The following SUPT3H variants were observed in gnomAD, a reference collection of about 807,000 sequenced individuals.
SUPT3H encodes transcription initiation protein SPT3 homolog.
SUPT3H carries 44 observed loss-of-function variants against 44.3 expected under a neutral mutation model. That is an observed-to-expected ratio of 0.99 (90% CI 0.78 to 1.28). SUPT3H has a LOEUF of 1.28. Among genes scored for constraint, SUPT3H ranks in the 50% most tolerant of loss-of-function variants. The pLI, the probability that SUPT3H is intolerant of heterozygous loss-of-function variation, is 0.00. For synonymous variants in SUPT3H, 124 were observed against 125.6 expected (o/e 0.99, Z 0.09); for missense variants, 380 against 387.1 (o/e 0.98, Z 0.15).
intron 2 of SUPT3H, among the ~76,000 whole-genome samples, chr6:45,292,922 G>C (rs915353005): frequency 6.6e-6 from 1 of 151,406 alleles, no homozygotes; most frequent in South Asian, 2.1e-4. Flanking sequence ...GCAGTAGATA[G>C]GTCATTAAGA....
intron 10 of SUPT3H, among the ~76,000 whole-genome samples, chr6:44,928,473 AG>A (rs907570794): frequency 2.6e-5 from 4 of 152,192 alleles, no homozygotes; most frequent in African/African-American, 4.8e-5. Flanking sequence ...AGGGGTTGGA[AG>A]GCCTGAATCT....
intron 3 of SUPT3H, among the ~76,000 whole-genome samples, chr6:45,022,068 T>C (rs541369991): frequency 2.0e-5 from 3 of 152,174 alleles, no homozygotes; most frequent in East Asian, 1.9e-4. Context: ...AAAATATTTC[T>C]ATCACAGTCT....
At chr6:45,301,359 A>G (rs1016755578) in intron 2 of SUPT3H, among the ~76,000 whole-genome samples, 4 of 152,190 alleles carry the variant, frequency 2.6e-5, no homozygotes, top group African/African-American at 7.2e-5. Flanking sequence ...CCAGCTTTAT[A>G]TAATTTCAAC....
intron 2 of SUPT3H, among the ~76,000 whole-genome samples, chr6:45,311,262 A>T (rs1783906371): frequency 6.6e-6 from 1 of 152,210 alleles, no homozygotes; most frequent in East Asian, 1.9e-4. Context: ...CCCTCCAAGA[A>T]GTTTGGGATT....
chr6:45,248,182 T>A (rs1050851370), intron 2 of SUPT3H, among the ~76,000 whole-genome samples: 7 of 152,260 alleles, frequency 4.6e-5, no homozygotes, highest in African/African-American at 1.7e-4. Flanking sequence ...TTTGTTTATG[T>A]ACAGAGTTCC....
chr6:45,073,037 A>T (rs1275178767), intron 3 of SUPT3H, among the ~76,000 whole-genome samples: 4 of 152,132 alleles, frequency 2.6e-5, no homozygotes, highest in African/African-American at 9.7e-5. Context: ...CCTAAATATG[A>T]ATTTGAAAGA....
chr6:45,054,222 T>C (rs186305455), intron 3 of SUPT3H, among the ~76,000 whole-genome samples: 9 of 151,128 alleles, frequency 6.0e-5, no homozygotes, highest in African/African-American at 1.9e-4. Context: ...AGGTCTCTCT[T>C]ACCTTCTCCT....
At chr6:45,255,909 T>C (rs1773303400) in intron 2 of SUPT3H, among the ~76,000 whole-genome samples, 3 of 152,218 alleles carry the variant, frequency 2.0e-5, no homozygotes, top group Admixed American at 1.3e-4. Flanking sequence ...TGGTGGCTCA[T>C]GCCTATAATC....
At chr6:45,147,375 C>A (rs1441362689) in intron 2 of SUPT3H, among the ~76,000 whole-genome samples, 4 of 152,116 alleles carry the variant, frequency 2.6e-5, no homozygotes, top group Middle Eastern at 6.3e-3. Flanking sequence ...CCTACCTTTT[C>A]TTCATTGTTC....
chr6:45,370,938 A>C (rs752660520), intron 1 of SUPT3H, among the ~76,000 whole-genome samples: 7 of 152,198 alleles, frequency 4.6e-5, no homozygotes, highest in East Asian at 1.9e-4. Context: ...TTCTTTGCAA[A>C]AACAGTCCCT....
intron 2 of SUPT3H, among the ~76,000 whole-genome samples, chr6:45,307,371 T>C (rs1783208938): frequency 6.6e-6 from 1 of 152,258 alleles, no homozygotes; most frequent in South Asian, 2.1e-4. Context: ...CACCCCCCAG[T>C]AGGGGCAGAC....
At chr6:45,371,923 TGC>T in intron 1 of SUPT3H, 2 of 836,078 alleles carry the variant, frequency 2.4e-6, no homozygotes, top group Non-Finnish European at 2.9e-6. Context: ...TTTCTTGAAC[TGC>T]CCAAGGACAC....
intron 9 of SUPT3H, among the ~76,000 whole-genome samples, chr6:44,952,368 T>A (rs1408358725): frequency 6.6e-6 from 1 of 152,188 alleles, no homozygotes; most frequent in Non-Finnish European, 1.5e-5. Flanking sequence ...CTCAAAGGGG[T>A]GTGTGACCTA....
rs1554294714 is a variant in SUPT3H at position 45,230,686 on chromosome 6, A to ATTTTTTT, written c.102-124681_102-124680insAAAAAAA. Among the ~76,000 whole-genome samples, 88 of 116,786 alleles carry ATTTTTTT rather than the reference A, an allele frequency of 7.5e-4. 1 individual carries two copies. The highest frequency in any genetic ancestry group is 2.6e-3 in the African/African-American group (83 of 31,774). 76.6% of individuals were successfully genotyped at this position (116,786 alleles called of 152,430 possible). On this transcript the variant is annotated intron_variant, in intron 2 of 10. Transcript: ENST00000371459. The stretch of plus-strand genomic sequence containing the variant: ...TCTATATATATATATATATATATAT[A>ATTTTTTT]TTTTTGAGATGGAGTCTTGCTCTAT...
chr6:44,829,696 C>G lies in SUPT3H; in HGVS notation c.*120G>C, dbSNP rs1278739620. ...GGAGTCAGCAAGTTGAAAGTCACAACAGACCAGCCCACTCCCTCAGATAAA... is the reference window on the plus strand; with the variant it reads ...GGAGTCAGCAAGTTGAAAGTCACAAGAGACCAGCCCACTCCCTCAGATAAA... On this transcript the variant is annotated 3_prime_UTR_variant, in exon 11 of 11. Coordinates refer to ENST00000371459, the MANE Select transcript of SUPT3H (RefSeq NM_003599.4). 8.6e-7 allele frequency: 1 copy of G among 1,157,778 alleles called. No individual in the cohort carries two copies. Among genetic ancestry groups the G allele is most frequent in the African/African-American group, 1.6e-5 (1 of 64,484 alleles). The allele number at this position is 1,157,778 out of a possible 1,614,324, so 71.7% of individuals were successfully genotyped here.
chr6:45,048,088 GT>G, intron 3 of SUPT3H, among the ~76,000 whole-genome samples: 1 of 151,958 alleles, frequency 6.6e-6, no homozygotes. Flanking sequence ...TCCAAATAAA[GT>G]TTGGATTTTA....
intron 3 of SUPT3H, among the ~76,000 whole-genome samples, chr6:45,061,664 T>A (rs975907937): frequency 6.6e-6 from 1 of 152,204 alleles, no homozygotes; most frequent in Non-Finnish European, 1.5e-5. Flanking sequence ...AAACAATTTC[T>A]TACAATGTAG....
rs150700939 is a variant in SUPT3H at position 45,214,352 on chromosome 6, T to C, written c.102-108346A>G. Among the ~76,000 whole-genome samples the C allele has an allele frequency of 2.2e-3, 329 of 151,756 alleles. 1 individual carries two copies. The highest frequency in any genetic ancestry group is 7.5e-3 in the African/African-American group (311 of 41,356). On this transcript the variant is annotated intron_variant, in intron 2 of 10. Coordinates refer to ENST00000371459, the MANE Select transcript of SUPT3H (RefSeq NM_003599.4). ...TTGACAGTATTCAGAAAACTAATGA[T>C]AGTAAAAGCTGGGGCAAGAAAATCA... is the stretch of plus-strand genomic sequence containing the variant.
chr6:45,328,960 G>C (rs1786911687), intron 2 of SUPT3H, among the ~76,000 whole-genome samples: 1 of 151,880 alleles, frequency 6.6e-6, no homozygotes, highest in Non-Finnish European at 1.5e-5. Flanking sequence ...TTTGGTATCT[G>C]TAATGTATCT....
Sources: gnomAD v4.1 joint callset for allele counts (sites outside exome capture counted in the v4.1 genomes callset) on GRCh38, gnomAD v4.1.1 for gene constraint, MANE v1.5 for transcripts, NCBI Gene and HGNC (gene_info 2026-07-23, HGNC 2026-07-21) for gene names.